The following IL24 variants were observed in gnomAD, a reference collection of about 807,000 sequenced individuals.
IL24 encodes the protein interleukin 24.
In IL24, 24 loss-of-function variants were observed where a neutral mutation model predicts 27.6. The observed-to-expected ratio is 0.87, with a 90% confidence interval of 0.63 to 1.22. The LOEUF (loss-of-function observed/expected upper bound fraction) is 1.22. Ranked by LOEUF, IL24 falls within the 50% of genes most tolerant of loss-of-function variation. The pLI, the probability that IL24 is intolerant of heterozygous loss-of-function variation, is 0.00. For missense variants in IL24, 240 were observed against 237.0 expected (o/e 1.01, Z -0.08); for synonymous variants, 99 against 93.1 (o/e 1.06, Z -0.36).
In IL24 at chr1:206,899,455, A is replaced by C. The variant is rs1397811605; in HGVS notation, c.180A>C (p.Gln60His). ...QGQEFHFGPC[Q>H]VKGVVPQKLW... ...AAGAATTCCACTTTGGGCCCTGCCA[A>C]GTGAAGGGGGTTGTTCCCCAGAAAC... Residue 60 changes from glutamine to histidine, a missense_variant, in exon 3 of 7, where the codon CAA becomes CAC. By Grantham distance (24) the Gln-to-His change is conservative (BLOSUM62 0). Coordinates refer to ENST00000294984, the MANE Select transcript of IL24 (RefSeq NM_006850.3). The C allele has an allele frequency of 6.2e-7, 1 of 1,613,938 alleles. No individual in the cohort carries two copies. Among genetic ancestry groups the C allele is most frequent in the South Asian group, 1.1e-5 (1 of 91,056 alleles).
intron 3 of IL24, 62 bp from the exon 4 acceptor site, chr1:206,900,233 T>G: frequency 7.0e-7 from 1 of 1,435,520 alleles, no homozygotes; most frequent in South Asian, 1.1e-5. Context: ...AGCACATATT[T>G]GCAGAGTTGG....
At position 206,902,976 on chromosome 1, in the gene IL24, T is replaced by G. The variant is rs150080259; in HGVS notation, c.538T>G (p.Leu180Val). 2.5e-3 allele frequency: 4,013 copies of G among 1,614,172 alleles called. 31 individuals are homozygous for G. The highest frequency in any genetic ancestry group is 0.018 in the East Asian group (813 of 44,884). ...FLLFRRAFKQ[L>V]DVEAALTKAL... ...ACCTTCAACCCTCTTTTCCCTTTAGTTGGACGTAGAAGCAGCTCTGACCAA... is the reference window on the plus strand; with the variant it reads ...ACCTTCAACCCTCTTTTCCCTTTAGGTGGACGTAGAAGCAGCTCTGACCAA... The change falls in exon 7 of 7, where the codon TTG becomes GTG. Residue 180 changes from leucine to valine, a missense_variant and splice_region_variant. Leu to Val is a conservative substitution (Grantham distance 32, BLOSUM62 1). Coordinates refer to ENST00000294984, the MANE Select transcript of IL24 (RefSeq NM_006850.3).
intron 6 of IL24, 138 bp downstream of exon 6, chr1:206,902,210 G>C (rs1678418937): frequency 7.1e-7 from 1 of 1,415,152 alleles, no homozygotes; most frequent in Admixed American, 2.9e-5. Context: ...CCCTGACTTA[G>C]CAGGAGCACA....
At chr1:206,901,245 T>G (rs1413401346) in intron 4 of IL24, among the ~76,000 whole-genome samples, 3 of 152,210 alleles carry the variant, frequency 2.0e-5, no homozygotes, top group Non-Finnish European at 4.4e-5. Flanking sequence ...CTAGGCTGTG[T>G]CTGCCACTGA....
chr1:206,900,161 C>T, intron 3 of IL24, 134 bp from the exon 4 acceptor site: 1 of 812,358 alleles, frequency 1.2e-6, no homozygotes, highest in Non-Finnish European at 2.0e-6. Context: ...CCTGGGTCCT[C>T]TTTTGGTCCC....
chr1:206,903,076 C>T lies in IL24; in HGVS notation c.*17C>T, dbSNP rs1237204843. On this transcript the variant is annotated 3_prime_UTR_variant, in exon 7 of 7. Transcript: ENST00000294984. ...AAGCTCTGAATGTCTAGACCAGGAC[C>T]TCCCTCCCCCTGGCACTGGTTTGTT... 6.3e-7 allele frequency: 1 copy of T among 1,593,642 alleles called. No individual in the cohort carries two copies. Among genetic ancestry groups the T allele is most frequent in the South Asian group, 1.1e-5 (1 of 90,666 alleles).
chr1:206,900,174 TG>T, intron 3 of IL24, 120 bp from the exon 4 acceptor site: 1 of 914,750 alleles, frequency 1.1e-6, no homozygotes, highest in Non-Finnish European at 1.7e-6. Context: ...TTGGTCCCTC[TG>T]GCCTTTGAGA....
In IL24 at chr1:206,902,051, A is replaced by G. The variant is rs1678410573; in HGVS notation, c.516A>G (p.Leu172=). The change falls in exon 6 of 7, where the codon CTA becomes CTG. Residue 172 remains leucine, a synonymous_variant. Coordinates refer to ENST00000294984, the MANE Select transcript of IL24 (RefSeq NM_006850.3). The stretch of plus-strand genomic sequence containing the variant: ...ACAGTGCACACAGGCGGTTTCTGCT[A>G]TTCCGGAGAGCATTCAAACAGGTAA... The part of the protein sequence containing the change: ...IRDSAHRRFL[L]FRRAFKQLDV... The G allele has an allele frequency of 6.2e-7, 1 of 1,613,974 alleles. No homozygotes were observed. The highest frequency in any genetic ancestry group is 8.5e-7 in the Non-Finnish European group (1 of 1,179,942).
rs1150255 is a variant in IL24, at chr1:206,899,614, C to T, written c.240+99C>T. The T allele has an allele frequency of 0.43, 423,291 of 981,556 alleles. 94,226 individuals are homozygous for T. Among genetic ancestry groups the T allele is most frequent in the Middle Eastern group, 0.49 (1,719 of 3,516 alleles). The allele number at this position is 981,556 out of a possible 1,614,324, so 60.8% of individuals were successfully genotyped here. On this transcript the variant is annotated intron_variant, in intron 3 of 6. Transcript: ENST00000294984. ...TATTTTATGATTCTGGAGTCCTTCA[C>T]AGCTTGCTAATCAGTTTCCAGTTTC...
chr1:206,899,256 C>T, intron 2 of IL24, 64 bp from the exon 3 acceptor site: 3 of 1,540,198 alleles, frequency 1.9e-6, no homozygotes, highest in East Asian at 2.3e-5. Flanking sequence ...GGAGCATTTT[C>T]CCAGGGCATG....
rs201453555 is a variant in IL24, at chr1:206,903,031, C to T, written c.593C>T (p.Thr198Ile). 2.8e-4 allele frequency: 453 copies of T among 1,614,048 alleles called. No individual in the cohort carries two copies. The highest frequency in any genetic ancestry group is 3.7e-4 in the Non-Finnish European group (439 of 1,180,006). ...KALGEVDILL[T>I]WMQKFYKL is the part of the protein sequence containing the mutation. ...CTTGGGGAAGTGGACATTCTTCTGA[C>T]CTGGATGCAGAAATTCTACAAGCTC... is the stretch of plus-strand genomic sequence containing the variant. The change falls in exon 7 of 7, where the codon ACC becomes ATC. Residue 198 changes from threonine (T) to isoleucine (I), a missense_variant. Coordinates refer to ENST00000294984, the MANE Select transcript of IL24 (RefSeq NM_006850.3).
chr1:206,902,566 C>CT (rs3215267), intron 6 of IL24: 16,464 of 804,694 alleles, frequency 0.02, 54 homozygotes, highest in African/African-American at 0.052. Flanking sequence ...ATTTCGATCA[C>CT]TTTTTTTTTT....
chr1:206,903,899 A>T lies in IL24; in HGVS notation c.*840A>T, dbSNP rs1678503411. 1 of 152,408 alleles carries T rather than the reference A, an allele frequency of 6.6e-6. No individual in the cohort carries two copies. Among genetic ancestry groups the T allele is most frequent in the Admixed American group, 6.5e-5 (1 of 15,284 alleles). 9.4% of individuals were successfully genotyped at this position (152,408 alleles called of 1,614,324 possible). Reference sequence around the variant, plus strand: ...GACTTTCTTCTCTATTTCTGGATGAATGCCCAGTGAGACTGTGTTGTACAG... The same window carrying T: ...GACTTTCTTCTCTATTTCTGGATGATTGCCCAGTGAGACTGTGTTGTACAG... On this transcript the variant is annotated 3_prime_UTR_variant, in exon 7 of 7. Transcript: ENST00000294984.
intron 2 of IL24, 29 bp from the exon 3 acceptor site, chr1:206,899,291 T>C: frequency 6.2e-7 from 1 of 1,608,482 alleles, no homozygotes; most frequent in Non-Finnish European, 8.5e-7. Context: ...AGGGCCGGCC[T>C]CACAGGCTGC....
chr1:206,903,004 C>T lies in IL24; in HGVS notation c.566C>T (p.Ala189Val), dbSNP rs1421667753. Residue 189 changes from alanine (A) to valine (V), a missense_variant, in exon 7 of 7, where the codon GCC becomes GTC. Ala to Val is a moderately conservative substitution (Grantham distance 64). Transcript: ENST00000294984. ...QLDVEAALTK[A>V]LGEVDILLTW... ...GACGTAGAAGCAGCTCTGACCAAAG[C>T]CCTTGGGGAAGTGGACATTCTTCTG... is the stretch of plus-strand genomic sequence containing the variant. The T allele has an allele frequency of 2.5e-6, 4 of 1,614,078 alleles. No homozygotes were observed. The highest frequency in any genetic ancestry group is 1.3e-5 in the African/African-American group (1 of 74,918).
In IL24 at chr1:206,901,628, C is replaced by T. The variant is rs754277864; in HGVS notation, c.438C>T (p.Leu146=). ...CTACTCTGGCCAACAACTTTGTTCT[C>T]ATCGTGTCACAACTGCAACCCAGTG... ...SFSTLANNFV[L]IVSQLQPSQE... is the part of the protein sequence containing the mutation. Residue 146 remains leucine (L), a synonymous_variant, in exon 5 of 7, where the codon CTC becomes CTT. Coordinates refer to ENST00000294984, the MANE Select transcript of IL24 (RefSeq NM_006850.3). 6 of 1,613,950 alleles carry T rather than the reference C, an allele frequency of 3.7e-6. No individual in the cohort carries two copies. In the South Asian group the frequency reaches 6.6e-5, roughly 18 times the overall value.
In IL24 at chr1:206,900,356, C is replaced by T. The variant is rs142816743; in HGVS notation, c.302C>T (p.Ser101Leu). Residue 101 changes from serine (S) to leucine (L), a missense_variant and splice_region_variant, in exon 4 of 7, where the codon TCG becomes TTG. Ser to Leu is a moderately radical substitution (Grantham distance 145). Transcript: ENST00000294984. ...CAGCAGGAGGTTCTGCAGAACGTCT[C>T]GGTAATCAGACCTCGGGGACACCAC... Reference protein sequence around the residue: ...LLQQEVLQNVSDAESCYLVHT... With the variant: ...LLQQEVLQNVLDAESCYLVHT... The T allele has an allele frequency of 1.3e-3, 2,168 of 1,613,980 alleles. 1 individual carries two copies. Among genetic ancestry groups the T allele is most frequent in the Admixed American group, 1.6e-3 (99 of 60,030 alleles).
chr1:206,899,558 G>T, intron 3 of IL24, 43 bp downstream of exon 3: 1 of 1,479,204 alleles, frequency 6.8e-7, no homozygotes, highest in South Asian at 1.4e-5. Flanking sequence ...GGGGTTCCTG[G>T]GGGCAGTGGG....
At position 206,897,712 on chromosome 1, in the gene IL24, TTTTTGAGTG is replaced by T; in HGVS notation, c.-102-16_-102-8del. ...AAGGTGGGGACAGCAGAAGTCAATT[TTTTTGAGTG>T]TTGATGTAGGGACAAGACATGACTG... On this transcript the variant is annotated splice_polypyrimidine_tract_variant and intron_variant, in intron 1 of 6. Transcript: ENST00000294984. 1 of 993,440 alleles carries T rather than the reference TTTTTGAGTG, an allele frequency of 1.0e-6. No homozygotes were observed. The highest frequency in any genetic ancestry group is 2.6e-5 in the East Asian group (1 of 38,870). 61.5% of individuals were successfully genotyped at this position (993,440 alleles called of 1,614,324 possible). A position where few individuals can be genotyped will look rare whatever the true frequency, so the allele number is the denominator to read the frequency against.
Sources: gnomAD v4.1 joint callset for allele counts (sites outside exome capture counted in the v4.1 genomes callset) on GRCh38, gnomAD v4.1.1 for gene constraint, MANE v1.5 for transcripts, NCBI Gene and HGNC (gene_info 2026-07-23, HGNC 2026-07-21) for gene names.